The following FRY variants were observed in gnomAD, a reference collection of about 807,000 sequenced individuals.
The protein encoded by FRY is FRY microtubule binding protein, also known as protein furry homolog.
A neutral mutation model predicts 348.4 loss-of-function variants in FRY; 128 were observed. The ratio of observed to expected loss-of-function variants is 0.37; its 90% confidence interval spans 0.32 to 0.43. FRY has a LOEUF of 0.43. Ranked by LOEUF, FRY falls within the 20% of genes least tolerant of loss-of-function variation. FRY has a pLI of 1.00. For missense variants in FRY, 2,736 were observed against 3,695.2 expected (o/e 0.74, Z 6.73); for synonymous variants, 1,370 against 1,374.7 (o/e 1.00, Z 0.08).
intron 41 of FRY, among the ~76,000 whole-genome samples, chr13:32,234,338 A>C (rs1339055024): frequency 1.3e-5 from 2 of 151,824 alleles, no homozygotes; most frequent in African/African-American, 4.8e-5. Flanking sequence ...TGGGAGGATC[A>C]CTTGAGCCCA....
At chr13:32,157,943 G>A (rs1043162477) in intron 16 of FRY, among the ~76,000 whole-genome samples, 54 of 152,304 alleles carry the variant, frequency 3.5e-4, no homozygotes, top group African/African-American at 1.3e-3. Context: ...GCAGGAACTA[G>A]GATTAAGTTA....
At chr13:32,213,586 A>G (rs993112989) in intron 35 of FRY, among the ~76,000 whole-genome samples, 3 of 152,254 alleles carry the variant, frequency 2.0e-5, no homozygotes, top group Admixed American at 6.5e-5. Context: ...TTTAAAATCT[A>G]TATTTGCTAT....
chr13:32,073,924 A>G lies in FRY; in HGVS notation c.71-4910A>G, dbSNP rs907015163. ...CTGTGGAGGTGTTTATATTGGTGCTACAGTTAGGAGGGTAGTCTGTCCTGG... is the reference window on the plus strand; with the variant it reads ...CTGTGGAGGTGTTTATATTGGTGCTGCAGTTAGGAGGGTAGTCTGTCCTGG... On this transcript the variant is annotated intron_variant, in intron 1 of 60. Coordinates refer to ENST00000542859, the MANE Select transcript of FRY (RefSeq NM_023037.3). Among the ~76,000 whole-genome samples, 6 of 152,320 alleles carry G rather than the reference A, an allele frequency of 3.9e-5. 1 individual carries two copies. In the South Asian group the frequency reaches 1.0e-3, roughly 26 times the overall value.
At chr13:32,091,114 AG>A (rs1235398158) in intron 2 of FRY, among the ~76,000 whole-genome samples, 1 of 152,220 alleles carries the variant, frequency 6.6e-6, no homozygotes, top group African/African-American at 2.4e-5. Context: ...ATTTCGCTTA[AG>A]AAAATTCATT....
At chr13:32,181,683 T>C (rs1882723072) in intron 23 of FRY, among the ~76,000 whole-genome samples, 1 of 151,844 alleles carries the variant, frequency 6.6e-6, no homozygotes, top group African/African-American at 2.4e-5. Flanking sequence ...TTTGCATATA[T>C]AGACCTCTAA....
intron 8 of FRY, 130 bp downstream of exon 8, chr13:32,131,970 C>A: frequency 1.3e-6 from 1 of 779,314 alleles, no homozygotes; most frequent in Middle Eastern, 3.5e-4. Context: ...CTAAATAATT[C>A]ATGAAGTCCT....
At chr13:32,256,786 A>G (rs964024565) in intron 51 of FRY, among the ~76,000 whole-genome samples, 2 of 152,110 alleles carry the variant, frequency 1.3e-5, no homozygotes, top group African/African-American at 4.8e-5. Context: ...CTTGCTTTCC[A>G]CTTCTTTGTC....
chr13:32,072,546 TC>T (rs1874733448), intron 1 of FRY, among the ~76,000 whole-genome samples: 1 of 151,828 alleles, frequency 6.6e-6, no homozygotes, highest in South Asian at 2.1e-4. Context: ...TACATGACTT[TC>T]AGGGTTTCTG....
At chr13:32,098,284 A>G (rs1423765782) in intron 2 of FRY, among the ~76,000 whole-genome samples, 1 of 152,094 alleles carries the variant, frequency 6.6e-6, no homozygotes, top group African/African-American at 2.4e-5. Context: ...GTATTCATCA[A>G]TCAACAGTGT....
At chr13:32,148,604 G>A (rs1880603028) in intron 13 of FRY, among the ~76,000 whole-genome samples, 1 of 152,178 alleles carries the variant, frequency 6.6e-6, no homozygotes, top group Admixed American at 6.5e-5. Context: ...AACAGGAAAA[G>A]ACTATTATTC....
intron 3 of FRY, among the ~76,000 whole-genome samples, chr13:32,109,808 G>C (rs1328344338): frequency 6.6e-6 from 1 of 152,222 alleles, no homozygotes; most frequent in Non-Finnish European, 1.5e-5. Flanking sequence ...AACGGGTTCA[G>C]TTTATTATGT....
chr13:32,283,530 A>T (rs910848793), intron 58 of FRY, among the ~76,000 whole-genome samples: 1 of 152,266 alleles, frequency 6.6e-6, no homozygotes, highest in African/African-American at 2.4e-5. Context: ...GTCTCTGCAT[A>T]TGCAAGCACC....
In FRY at chr13:32,209,723, C is replaced by T. The variant is rs376020693; in HGVS notation, c.4414C>T (p.Leu1472=). The change falls in exon 33 of 61, where the codon CTA becomes TTA. Residue 1472 remains leucine, a synonymous_variant. Coordinates refer to ENST00000542859, the MANE Select transcript of FRY (RefSeq NM_023037.3). ...LCGVSSDTVL[L]PYIKKVAIYL... ...TGGGGTCAGCAGCGACACAGTTCTC[C>T]TACCCTATGTAAGTGTCTCTCAGCC... 3.7e-5 allele frequency: 60 copies of T among 1,613,986 alleles called. No homozygotes were observed. The Middle Eastern group carries it at 2.3e-3, about 62-fold the overall frequency.
chr13:32,135,615 T>G (rs1240819323), intron 10 of FRY, among the ~76,000 whole-genome samples: 1 of 152,214 alleles, frequency 6.6e-6, no homozygotes, highest in East Asian at 1.9e-4. Context: ...AATAGACAGT[T>G]GCCCATAGGA....
intron 55 of FRY, among the ~76,000 whole-genome samples, chr13:32,273,440 T>C (rs1028689499): frequency 6.7e-4 from 102 of 152,186 alleles, no homozygotes; most frequent in Non-Finnish European, 8.1e-4. Flanking sequence ...GCCAGGATGG[T>C]CTCGATCTCC....
chr13:32,284,506 G>C (rs145565416), intron 58 of FRY, among the ~76,000 whole-genome samples: 2 of 152,302 alleles, frequency 1.3e-5, no homozygotes, highest in East Asian at 1.9e-4. Context: ...GTTGAAGATA[G>C]CTTACAGATT....
intron 58 of FRY, among the ~76,000 whole-genome samples, chr13:32,286,414 C>T (rs1315272580): frequency 6.6e-6 from 1 of 152,058 alleles, no homozygotes; most frequent in Non-Finnish European, 1.5e-5. Flanking sequence ...CATACCCAAA[C>T]TTTCCATAAA....
intron 24 of FRY, among the ~76,000 whole-genome samples, chr13:32,183,848 G>A (rs1167167458): frequency 6.7e-6 from 1 of 149,592 alleles, no homozygotes; most frequent in Admixed American, 6.7e-5. Context: ...AGAAATAGCA[G>A]AAATTAGGTC....
rs1878914886 is a variant in FRY at position 32,124,647 on chromosome 13, A to T, written c.601A>T (p.Asn201Tyr). The change falls in exon 6 of 61, where the codon AAC becomes TAC. Residue 201 changes from asparagine to tyrosine, a missense_variant. Physicochemically the swap from Asn to Tyr is moderately radical, Grantham distance 143. Coordinates refer to ENST00000542859, the MANE Select transcript of FRY (RefSeq NM_023037.3). ...VIDSLIHDVINLAFKHFKYKE... is the reference protein window; with the variant it reads ...VIDSLIHDVIYLAFKHFKYKE... The stretch of plus-strand genomic sequence containing the variant: ...AGACAGTTTAATACATGATGTTATT[A>T]ACTTGGCTTTCAAGCACTTTAAATA... 1 of 1,598,190 alleles carries T rather than the reference A, an allele frequency of 6.3e-7. No individual in the cohort carries two copies. The highest frequency in any genetic ancestry group is 8.6e-7 in the Non-Finnish European group (1 of 1,165,554).
Sources: gnomAD v4.1 joint callset for allele counts (sites outside exome capture counted in the v4.1 genomes callset) on GRCh38, gnomAD v4.1.1 for gene constraint, MANE v1.5 for transcripts, NCBI Gene and HGNC (gene_info 2026-07-23, HGNC 2026-07-21) for gene names.